The following SUGP2 variants were observed in gnomAD, a reference collection of about 807,000 sequenced individuals.
SUGP2 encodes the protein SURP and G-patch domain-containing protein 2.
A neutral mutation model predicts 90.5 loss-of-function variants in SUGP2; 24 were observed. The ratio of observed to expected loss-of-function variants is 0.27; its 90% CI spans 0.19 to 0.37. The LOEUF is 0.37. SUGP2 is among the 10% of genes least tolerant of loss of function. The probability of loss-of-function intolerance (pLI) is 1.00; values close to 1 mark genes in which losing one functional copy is unlikely to be tolerated. For missense variants in SUGP2, 1,233 were observed against 1,363.3 expected (o/e 0.90, Z 1.51); for synonymous variants, 473 against 513.4 (o/e 0.92, Z 1.06).
rs546086652 is a variant in SUGP2, at chr19:19,008,194, C to T, written c.2450+123G>A. On this transcript the variant is annotated intron_variant, in intron 6 of 10. Transcript: ENST00000452918. ...TGGAGCACACCTGTGGTCCCAGCTA[C>T]TCTGGAGGCTGAAACAGGAGGATCA... 8.9e-5 allele frequency: 74 copies of T among 832,906 alleles called. 1 individual carries two copies. In the South Asian group the frequency reaches 1.0e-3, roughly 12 times the overall value. The allele number at this position is 832,906 out of a possible 1,614,324, so 51.6% of individuals were successfully genotyped here. A position where few individuals can be genotyped will look rare whatever the true frequency, so the allele number is the denominator to read the frequency against.
intron 3 of SUGP2, among the ~76,000 whole-genome samples, chr19:19,019,989 T>TCC: frequency 9.9e-5 from 1 of 10,152 alleles, no homozygotes; most frequent in East Asian, 2.5e-3. Context: ...TCTGCTAAAA[T>TCC]ACAAAAAAAA....
chr19:19,010,012 C>A lies in SUGP2; in HGVS notation c.2181G>T (p.Leu727=). 1 of 1,613,930 alleles carries A rather than the reference C, an allele frequency of 6.2e-7. No homozygotes were observed. Among genetic ancestry groups the A allele is most frequent in the Non-Finnish European group, 8.5e-7 (1 of 1,180,008 alleles). The change falls in exon 5 of 11, where the codon CTG becomes CTT. Residue 727 remains leucine, a synonymous_variant. Transcript: ENST00000452918. ...CCTTGGCAGCATCATTTCTGTCTGGCAGGGATGGTTTTGCCTGTGAGAGGC... is the reference window on the plus strand; with the variant it reads ...CCTTGGCAGCATCATTTCTGTCTGGAAGGGATGGTTTTGCCTGTGAGAGGC... The part of the protein sequence containing the change: ...APGLSQAKPS[L]PDRNDAAKDC...
At chr19:19,032,387 G>A (rs2059203691) in intron 1 of SUGP2, among the ~76,000 whole-genome samples, 1 of 152,128 alleles carries the variant, frequency 6.6e-6, no homozygotes, top group South Asian at 2.1e-4. Context: ...TTGAATTCCT[G>A]ACCTCAAGTG....
chr19:19,031,730 C>T (rs967163806), intron 1 of SUGP2, among the ~76,000 whole-genome samples: 1 of 151,770 alleles, frequency 6.6e-6, no homozygotes. Context: ...GCTCACAGAA[C>T]CTGCTCTATT....
chr19:19,008,555 G>A (rs926293828), intron 5 of SUGP2, 127 bp from the exon 6 acceptor site: 26 of 747,676 alleles, frequency 3.5e-5, no homozygotes, highest in East Asian at 1.0e-4. Flanking sequence ...CTTGCCCTTC[G>A]TCACATGTGG....
At chr19:19,003,272 A>AGGT (rs1329026875) in intron 7 of SUGP2, among the ~76,000 whole-genome samples, 2 of 152,378 alleles carry the variant, frequency 1.3e-5, no homozygotes, top group Admixed American at 1.3e-4. Flanking sequence ...TAGAACACAC[A>AGGT]GGTGACTGTT....
At chr19:19,005,892 C>CCACA (rs376655443) in intron 6 of SUGP2, among the ~76,000 whole-genome samples, 9 of 19,898 alleles carry the variant, frequency 4.5e-4, no homozygotes, top group African/African-American at 2.6e-3. Context: ...CACACACACA[C>CCACA]CACACACACA....
chr19:19,016,004 T>G (rs1335709447), intron 4 of SUGP2, among the ~76,000 whole-genome samples: 1 of 152,226 alleles, frequency 6.6e-6, no homozygotes, highest in Non-Finnish European at 1.5e-5. Flanking sequence ...TCTTATTACC[T>G]GAGACTATTC....
At chr19:19,028,556 C>A (rs768123732) in intron 2 of SUGP2, among the ~76,000 whole-genome samples, 1 of 152,224 alleles carries the variant, frequency 6.6e-6, no homozygotes, top group Non-Finnish European at 1.5e-5. Context: ...TTTTCTCATA[C>A]CCTTTATGAG....
intron 4 of SUGP2, among the ~76,000 whole-genome samples, chr19:19,014,468 G>A (rs1462374239): frequency 6.6e-6 from 1 of 152,078 alleles, no homozygotes; most frequent in Non-Finnish European, 1.5e-5. Flanking sequence ...TCTTATATCT[G>A]CCTCCTAGAG....
intron 4 of SUGP2, among the ~76,000 whole-genome samples, chr19:19,013,641 C>A (rs2058385843): frequency 6.6e-6 from 1 of 152,142 alleles, no homozygotes; most frequent in Non-Finnish European, 1.5e-5. Context: ...TATTTCACCC[C>A]AAACATCAAT....
chr19:19,005,972 C>T (rs900328307), intron 6 of SUGP2, among the ~76,000 whole-genome samples: 7 of 151,992 alleles, frequency 4.6e-5, no homozygotes, highest in African/African-American at 1.4e-4. Context: ...TGGCTCATGC[C>T]TCCCAGCACA....
At chr19:19,005,617 C>CA (rs952087222) in intron 6 of SUGP2, among the ~76,000 whole-genome samples, 4 of 151,816 alleles carry the variant, frequency 2.6e-5, no homozygotes, top group Admixed American at 2.0e-4. Context: ...CAAACTACTA[C>CA]AAAAAAGGGG....
chr19:19,005,621 A>C (rs1177275905), intron 6 of SUGP2, among the ~76,000 whole-genome samples: 1 of 152,038 alleles, frequency 6.6e-6, no homozygotes, highest in African/African-American at 2.4e-5. Context: ...CTACTACAAA[A>C]AAGGGGTGGG....
Position 18,994,669 on chromosome 19 carries a change from C to G in SUGP2, c.3129-183G>C, listed in dbSNP as rs976265775. The G allele has an allele frequency of 4.6e-6, 4 of 864,614 alleles. No homozygotes were observed. The South Asian group carries it at 5.5e-5, about 12-fold the overall frequency. The allele number at this position is 864,614 out of a possible 1,614,324, so 53.6% of individuals were successfully genotyped here. On this transcript the variant is annotated intron_variant, in intron 9 of 10. Coordinates refer to ENST00000452918, the MANE Select transcript of SUGP2 (RefSeq NM_001017392.5). ...ACAAGGAGTACTCACCCTCGAAGAGCTGGCTTTTGAGGGGGTGCCCAGAGG... is the reference window on the plus strand; with the variant it reads ...ACAAGGAGTACTCACCCTCGAAGAGGTGGCTTTTGAGGGGGTGCCCAGAGG...
At chr19:19,026,305 A>G in intron 2 of SUGP2, 79 bp from the exon 3 acceptor site, 1 of 1,384,446 alleles carries the variant, frequency 7.2e-7, no homozygotes, top group Non-Finnish European at 9.5e-7. Flanking sequence ...GTGCAAACAA[A>G]CAGTCCACGG....
rs750114128 is a variant in SUGP2, at chr19:19,010,215, C to A, written c.1978G>T (p.Ala660Ser). Residue 660 changes from alanine (A) to serine (S), a missense_variant, in exon 5 of 11, where the codon GCC becomes TCC. This residue lies in a region of SUGP2 where 540 missense variants were observed against 542.6 expected (regional missense o/e 1.00). Transcript: ENST00000452918. ...KPTSADCAVR[A>S]MLYSRAVRNL... is the part of the protein sequence containing the mutation. The stretch of plus-strand genomic sequence containing the variant: ...CGGACAGCCCGGGAGTACAGCATGG[C>A]CCTCACTGCACAGTCTGCTGAGGTC... 2 of 1,614,030 alleles carry A rather than the reference C, an allele frequency of 1.2e-6. No individual in the cohort carries two copies. Among genetic ancestry groups the A allele is most frequent in the Non-Finnish European group, 1.7e-6 (2 of 1,180,018 alleles).
At chr19:19,003,558 ACCCGT>A (rs2057934614) in intron 7 of SUGP2, 1 of 152,228 alleles carries the variant, frequency 6.6e-6, no homozygotes, top group South Asian at 2.1e-4. Flanking sequence ...GGGACAAGAG[ACCCGT>A]TCTGGGAACA....
intron 10 of SUGP2, 53 bp downstream of exon 10, chr19:18,994,313 T>C: frequency 2.5e-6 from 4 of 1,585,616 alleles, no homozygotes; most frequent in South Asian, 2.3e-5. Flanking sequence ...TTTCTCTGCA[T>C]ACCAGCACGC....
Sources: allele counts gnomAD v4.1 joint callset (sites outside exome capture counted in the v4.1 genomes callset), GRCh38; gene constraint gnomAD v4.1.1; regional missense constraint gnomAD v4.1.1; transcripts MANE v1.5; gene names NCBI Gene and HGNC (gene_info 2026-07-23, HGNC 2026-07-21).